The following ENDOD1 variants were observed in gnomAD, a reference collection of about 807,000 sequenced individuals.
The protein encoded by ENDOD1 is endonuclease domain-containing 1 protein.
In ENDOD1, 9 loss-of-function variants were observed where a neutral mutation model predicts 6.5. The observed-to-expected ratio is 1.39, with a 90% CI of 0.84 to 2.43. The LOEUF (loss-of-function observed/expected upper bound fraction) is 2.43, where lower values mean the gene tolerates loss of function less well. Ranked by LOEUF, ENDOD1 falls within the 30% of genes most tolerant of loss-of-function variation. The pLI is 0.00. For synonymous variants in ENDOD1, 255 were observed against 255.2 expected, an observed-to-expected ratio of 1.00 and a Z score of 0.01; for missense variants, 648 against 635.5, an observed-to-expected ratio of 1.02 and a Z score of -0.21.
chr11:95,095,133 A>G (rs1346388810), intron 1 of ENDOD1, among the ~76,000 whole-genome samples: 5 of 152,268 alleles, frequency 3.3e-5, no homozygotes, highest in Non-Finnish European at 1.5e-5. Flanking sequence ...TAAAAAGTAA[A>G]ATATCTATCC....
At chr11:95,106,329 A>G (rs1351552169) in intron 1 of ENDOD1, among the ~76,000 whole-genome samples, 2 of 152,314 alleles carry the variant, frequency 1.3e-5, no homozygotes, top group Non-Finnish European at 2.9e-5. Context: ...TGGTAGTGAC[A>G]GGGGCAGTTG....
At chr11:95,112,946 T>C (rs1349231187) in intron 1 of ENDOD1, among the ~76,000 whole-genome samples, 1 of 152,124 alleles carries the variant, frequency 6.6e-6, no homozygotes, top group Non-Finnish European at 1.5e-5. Flanking sequence ...ACATTAGCTA[T>C]GGGGCTGGAC....
At chr11:95,126,540 T>C (rs1050596217) in intron 1 of ENDOD1, among the ~76,000 whole-genome samples, 9 of 152,366 alleles carry the variant, frequency 5.9e-5, no homozygotes, top group African/African-American at 1.9e-4. Flanking sequence ...ACATGTCATA[T>C]GCTTATTTCA....
At chr11:95,111,607 G>A (rs1555111949) in intron 1 of ENDOD1, among the ~76,000 whole-genome samples, 1 of 151,920 alleles carries the variant, frequency 6.6e-6, no homozygotes, top group African/African-American at 2.4e-5. Flanking sequence ...CCTCACATGT[G>A]CAGTTCACAA....
chr11:95,092,895 T>G (rs1858944749), intron 1 of ENDOD1, among the ~76,000 whole-genome samples: 2 of 152,186 alleles, frequency 1.3e-5, no homozygotes, highest in Non-Finnish European at 2.9e-5. Context: ...TGTACCCACA[T>G]CACCTTTTTA....
In ENDOD1 at chr11:95,089,896, C is replaced by G. The variant is rs888489623; in HGVS notation, c.-32C>G. 7.7e-7 allele frequency: 1 copy of G among 1,306,554 alleles called. No individual in the cohort carries two copies. Among genetic ancestry groups the G allele is most frequent in the African/African-American group, 1.6e-5 (1 of 64,322 alleles). 80.9% of individuals were successfully genotyped at this position (1,306,554 alleles called of 1,614,324 possible). ...AGAGCTCGCGCCGCGGCAGCCCAGC[C>G]GCTCGGCCCCGCCGCGCTCGCAGAG... On this transcript the variant is annotated 5_prime_UTR_variant, in exon 1 of 2. Coordinates refer to ENST00000278505, the MANE Select transcript of ENDOD1 (RefSeq NM_015036.3).
intron 1 of ENDOD1, among the ~76,000 whole-genome samples, chr11:95,112,365 AAGC>A (rs200510742): frequency 0.032 from 4,884 of 152,304 alleles, 106 homozygotes; most frequent in Non-Finnish European, 0.044. Context: ...AGCTGGGCTT[AAGC>A]CCTGGTTCTT....
At chr11:95,106,854 T>C (rs1181185657) in intron 1 of ENDOD1, among the ~76,000 whole-genome samples, 1 of 151,768 alleles carries the variant, frequency 6.6e-6, no homozygotes, top group African/African-American at 2.4e-5. Flanking sequence ...TCACCTGGGA[T>C]GGTGGTGAAA....
intron 1 of ENDOD1, among the ~76,000 whole-genome samples, chr11:95,099,018 G>A (rs1390560271): frequency 1.3e-5 from 2 of 152,120 alleles, no homozygotes; most frequent in Non-Finnish European, 2.9e-5. Flanking sequence ...GCAGTCACAC[G>A]CCCATGAATA....
rs529558432 is a variant in ENDOD1, at chr11:95,104,994, T to C, written c.300+14767T>C. Among the ~76,000 whole-genome samples the C allele has an allele frequency of 3.9e-5, 6 of 152,286 alleles. No individual in the cohort carries two copies. In the South Asian group the frequency reaches 1.2e-3, roughly 32 times the overall value. On this transcript the variant is annotated intron_variant, in intron 1 of 1. Coordinates refer to ENST00000278505, the MANE Select transcript of ENDOD1 (RefSeq NM_015036.3). ...AGATTGGGTGGCCCTTGGTTGTGAC[T>C]GGCATGGAGGTGGGTGGGAGAGGGT...
At chr11:95,119,867 A>T (rs1226869418) in intron 1 of ENDOD1, among the ~76,000 whole-genome samples, 6 of 152,226 alleles carry the variant, frequency 3.9e-5, no homozygotes, top group Admixed American at 2.6e-4. Context: ...CTGAGCTGGC[A>T]TTCAAGCCAC....
chr11:95,102,735 G>A (rs917533672), intron 1 of ENDOD1, among the ~76,000 whole-genome samples: 29 of 152,160 alleles, frequency 1.9e-4, no homozygotes, highest in African/African-American at 6.5e-4. Context: ...GAGGATTTAG[G>A]TTGGATACAA....
chr11:95,093,634 T>C (rs565333168), intron 1 of ENDOD1, among the ~76,000 whole-genome samples: 1 of 152,266 alleles, frequency 6.6e-6, no homozygotes, highest in Non-Finnish European at 1.5e-5. Context: ...GCCCAGCTTA[T>C]AGAAAGCACG....
At chr11:95,096,675 G>T (rs982873929) in intron 1 of ENDOD1, among the ~76,000 whole-genome samples, 15 of 152,050 alleles carry the variant, frequency 9.9e-5, no homozygotes, top group African/African-American at 3.6e-4. Context: ...CTTCCAGTTG[G>T]CAGGGACACC....
chr11:95,112,203 T>G (rs138165547), intron 1 of ENDOD1, among the ~76,000 whole-genome samples: 2 of 152,366 alleles, frequency 1.3e-5, no homozygotes, highest in Non-Finnish European at 2.9e-5. Flanking sequence ...CCTAGACAAC[T>G]GATTCTCCTT....
intron 1 of ENDOD1, among the ~76,000 whole-genome samples, chr11:95,115,733 T>G (rs1189790401): frequency 6.6e-6 from 1 of 152,198 alleles, no homozygotes; most frequent in Non-Finnish European, 1.5e-5. Context: ...TTTTTCATCA[T>G]CAGTTGAGAT....
chr11:95,122,650 T>C (rs1859273562), intron 1 of ENDOD1, among the ~76,000 whole-genome samples: 1 of 140,752 alleles, frequency 7.1e-6, no homozygotes, highest in Non-Finnish European at 1.5e-5. Context: ...CTTCAGAAAA[T>C]GAGAGCCTAC....
chr11:95,097,226 T>G (rs185013641), intron 1 of ENDOD1, among the ~76,000 whole-genome samples: 1 of 151,018 alleles, frequency 6.6e-6, no homozygotes, highest in Admixed American at 6.6e-5. Context: ...GGCTATGAGA[T>G]ATCAAGGAAA....
intron 1 of ENDOD1, among the ~76,000 whole-genome samples, chr11:95,091,596 T>A (rs1471399693): frequency 1.3e-5 from 2 of 152,224 alleles, no homozygotes; most frequent in Non-Finnish European, 2.9e-5. Flanking sequence ...AGAAAACAAA[T>A]GAGCTAGTTC....
Sources: allele counts gnomAD v4.1 joint callset (sites outside exome capture counted in the v4.1 genomes callset), GRCh38; gene constraint gnomAD v4.1.1; transcripts MANE v1.5; gene names NCBI Gene and HGNC (gene_info 2026-07-23, HGNC 2026-07-21).